RFTN2: variants seen among roughly 807,000 people sequenced by gnomAD.
RFTN2 encodes raftlin-2.
RFTN2 carries 34 observed loss-of-function variants against 52.7 expected under a neutral mutation model. That is an observed-to-expected ratio of 0.64 (90% confidence interval 0.49 to 0.86). The LOEUF (loss-of-function observed/expected upper bound fraction) is 0.86. Among genes scored for constraint, RFTN2 ranks in the 40% least tolerant of loss-of-function variants. RFTN2 has a pLI of 0.00. For synonymous variants in RFTN2, 203 were observed against 217.7 expected (o/e 0.93, Z 0.59); for missense variants, 536 against 600.1 (o/e 0.89, Z 1.12).
Position 197,675,341 on chromosome 2 carries a change from A to G in RFTN2, c.118T>C (p.Leu40=). 1 of 1,603,132 alleles carries G rather than the reference A, an allele frequency of 6.2e-7. No individual in the cohort carries two copies. Among genetic ancestry groups the G allele is most frequent in the Non-Finnish European group, 8.5e-7 (1 of 1,175,120 alleles). ...TKTEFAYEYV[L]LDFTLQASSN... ...GTACCTTGTAGAGTAAAATCCAGCA[A>G]TACATATTCGTAAGCAAATTCTGTC... Residue 40 remains leucine, a synonymous_variant, in exon 1 of 9, where the codon TTG becomes CTG. Transcript: ENST00000295049.
intron 1 of RFTN2, among the ~76,000 whole-genome samples, chr2:197,667,337 A>G (rs1271129902): frequency 2.0e-5 from 3 of 152,028 alleles, no homozygotes; most frequent in African/African-American, 4.8e-5. Flanking sequence ...CATATCCTGA[A>G]TTGTTTTTCT....
At chr2:197,586,710 C>T (rs1033620402) in intron 8 of RFTN2, among the ~76,000 whole-genome samples, 3 of 152,136 alleles carry the variant, frequency 2.0e-5, no homozygotes, top group African/African-American at 7.2e-5. Context: ...CATGACCTTT[C>T]GTAGCCTCTC....
At chr2:197,579,900 G>T (rs1225053865) in intron 8 of RFTN2, among the ~76,000 whole-genome samples, 1 of 151,978 alleles carries the variant, frequency 6.6e-6, no homozygotes, top group Non-Finnish European at 1.5e-5. Flanking sequence ...TTTGTTCCAC[G>T]ACTAGCTCTC....
intron 1 of RFTN2, among the ~76,000 whole-genome samples, chr2:197,669,520 C>T (rs574118798): frequency 2.6e-5 from 4 of 152,228 alleles, no homozygotes; most frequent in African/African-American, 7.2e-5. Flanking sequence ...TCATTGAAGG[C>T]GGTTTTTCTA....
At chr2:197,619,255 A>T (rs2088213143) in intron 5 of RFTN2, among the ~76,000 whole-genome samples, 1 of 152,012 alleles carries the variant, frequency 6.6e-6, no homozygotes, top group African/African-American at 2.4e-5. Context: ...CCAACAGCTC[A>T]TTGAGAACGG....
chr2:197,640,787 A>G lies in RFTN2; in HGVS notation c.438+3371T>C, dbSNP rs566280542. Among the ~76,000 whole-genome samples, 13 of 152,314 alleles carry G rather than the reference A, an allele frequency of 8.5e-5. No individual in the cohort carries two copies. The East Asian group carries it at 2.5e-3, about 29-fold the overall frequency. On this transcript the variant is annotated intron_variant, in intron 3 of 8. Transcript: ENST00000295049. ...AGGAATGCTTATTTTTACACTCAGC[A>G]CTTTTCCCATTGACATATCGGTAAG...
chr2:197,604,158 ACT>A (rs921333276), intron 7 of RFTN2, among the ~76,000 whole-genome samples: 12 of 152,226 alleles, frequency 7.9e-5, no homozygotes, highest in African/African-American at 2.9e-4. Flanking sequence ...GACAATGGTG[ACT>A]CTGACACTCT....
At chr2:197,615,433 T>C (rs1414483077) in intron 7 of RFTN2, among the ~76,000 whole-genome samples, 1 of 152,242 alleles carries the variant, frequency 6.6e-6, no homozygotes. Flanking sequence ...AATTTTTCCT[T>C]TCCAGGAAAG....
chr2:197,651,976 T>C (rs1482225351), intron 1 of RFTN2, among the ~76,000 whole-genome samples: 1 of 152,190 alleles, frequency 6.6e-6, no homozygotes, highest in African/African-American at 2.4e-5. Context: ...AGTCCATAGA[T>C]TGTGGTTGAT....
chr2:197,621,166 C>T (rs1043577936), intron 5 of RFTN2, among the ~76,000 whole-genome samples: 5 of 151,890 alleles, frequency 3.3e-5, no homozygotes, highest in Non-Finnish European at 7.4e-5. Flanking sequence ...AGATCATCTA[C>T]AATTGTGCAT....
chr2:197,582,305 A>G (rs1201317684), intron 8 of RFTN2, among the ~76,000 whole-genome samples: 2 of 152,066 alleles, frequency 1.3e-5, no homozygotes, highest in Non-Finnish European at 2.9e-5. Context: ...GTCTCCCACA[A>G]TTACCATTGT....
intron 1 of RFTN2, among the ~76,000 whole-genome samples, chr2:197,655,937 G>T (rs1188348865): frequency 6.6e-6 from 1 of 152,206 alleles, no homozygotes; most frequent in Non-Finnish European, 1.5e-5. Flanking sequence ...TGATAAAACT[G>T]TAGCACCCAG....
Position 197,579,805 on chromosome 2 carries a change from G to C in RFTN2, c.1234-7525C>G, listed in dbSNP as rs532062381. On this transcript the variant is annotated intron_variant, in intron 8 of 8. Coordinates refer to ENST00000295049, the MANE Select transcript of RFTN2 (RefSeq NM_144629.3). ...GGTTGCTCCCTGCCAGGCTGAATCA[G>C]GCTCCAATTCTTCCTCAGCCTCCAC... Among the ~76,000 whole-genome samples the C allele has an allele frequency of 2.6e-5, 4 of 152,082 alleles. No homozygotes were observed. The South Asian group carries it at 8.3e-4, about 32-fold the overall frequency.
chr2:197,573,261 G>A (rs187513821), intron 8 of RFTN2, among the ~76,000 whole-genome samples: 7 of 152,280 alleles, frequency 4.6e-5, no homozygotes, highest in Admixed American at 2.6e-4. Context: ...GGCTTTGATC[G>A]AAATGCTTAT....
At position 197,633,739 on chromosome 2, in the gene RFTN2, A is replaced by G. The variant is rs1200603369; in HGVS notation, c.697T>C (p.Ser233Pro). 1 of 1,613,282 alleles carries G rather than the reference A, an allele frequency of 6.2e-7. No homozygotes were observed. The highest frequency in any genetic ancestry group is 8.5e-7 in the Non-Finnish European group (1 of 1,179,518). The part of the protein sequence containing the change: ...QMEQNGSPTS[S>P]KSRKGEASDN... ...TTACCTTCTCCCTTTCTTGATTTAG[A>G]GGAAGTAGGGCTGCCATTTTGTTCC... Residue 233 changes from serine to proline, a missense_variant, in exon 4 of 9, where the codon TCT becomes CCT. By Grantham distance (74) the Ser-to-Pro change is moderately conservative. Transcript: ENST00000295049.
intron 8 of RFTN2, among the ~76,000 whole-genome samples, chr2:197,578,172 C>G (rs1375908052): frequency 6.6e-6 from 1 of 152,156 alleles, no homozygotes; most frequent in Non-Finnish European, 1.5e-5. Context: ...CTTTATATAT[C>G]AGCTAATAGA....
intron 6 of RFTN2, 92 bp downstream of exon 6, chr2:197,617,708 C>T: frequency 2.0e-6 from 1 of 490,242 alleles, no homozygotes; most frequent in Non-Finnish European, 2.8e-6. Context: ...AACAAACAAA[C>T]AAACAAATGA....
intron 8 of RFTN2, among the ~76,000 whole-genome samples, chr2:197,578,589 C>T (rs950518509): frequency 5.9e-5 from 9 of 152,260 alleles, no homozygotes; most frequent in Middle Eastern, 3.4e-3. Context: ...CAGCCCTGCC[C>T]GCCAGAGAAC....
In RFTN2 at chr2:197,590,689, G is replaced by A. The variant is rs571863556; in HGVS notation, c.1233+5302C>T. Among the ~76,000 whole-genome samples, 136 of 152,212 alleles carry A rather than the reference G, an allele frequency of 8.9e-4. 1 individual carries two copies. The highest frequency in any genetic ancestry group is 3.2e-3 in the African/African-American group (131 of 41,526). On this transcript the variant is annotated intron_variant, in intron 8 of 8. Transcript: ENST00000295049. ...GATGTGTTCGGAGTTTCTTCCTTCT[G>A]GTGGGTTCGTGGTCTCGCTGGTTCA...
Sources: allele counts gnomAD v4.1 joint callset (sites outside exome capture counted in the v4.1 genomes callset), GRCh38; gene constraint gnomAD v4.1.1; transcripts MANE v1.5; gene names NCBI Gene and HGNC (gene_info 2026-07-23, HGNC 2026-07-21).